GABRA3: variants seen among roughly 807,000 people sequenced by gnomAD.
GABRA3 encodes gamma-aminobutyric acid type A receptor subunit alpha3.
A neutral mutation model predicts 30.1 loss-of-function variants in GABRA3; 10 were observed. That is an observed-to-expected ratio of 0.33 (90% CI 0.20 to 0.56). The LOEUF (loss-of-function observed/expected upper bound fraction) is 0.56, where lower values mean the gene tolerates loss of function less well. Among genes scored for constraint, GABRA3 ranks in the 20% least tolerant of loss-of-function variants. The pLI, the probability that GABRA3 is intolerant of heterozygous loss-of-function variation, is 0.89. For synonymous variants in GABRA3, 151 were observed against 146.8 expected, an observed-to-expected ratio of 1.03 and a Z score of -0.21; for missense variants, 233 against 392.0, an observed-to-expected ratio of 0.59 and a Z score of 3.42.
intron 4 of GABRA3, among the ~76,000 whole-genome samples, chrX:152,275,228 T>TTTATATATATTATATATATAAA (rs1939036841): frequency 1.6e-5 from 1 of 64,327 alleles, no homozygotes; most frequent in Non-Finnish European, 2.6e-5. Context: ...ATATATATAA[T>TTTATATATATTATATATATAAA]TTATATATAT....
At chrX:152,383,973 CAAAA>C (rs34355005) in intron 1 of GABRA3, among the ~76,000 whole-genome samples, 1 of 73,232 alleles carries the variant, frequency 1.4e-5, no homozygotes, top group Non-Finnish European at 2.5e-5. Flanking sequence ...GACTCCACCA[CAAAA>C]AAAAAAAAAA....
intron 9 of GABRA3, among the ~76,000 whole-genome samples, chrX:152,182,960 C>T (rs533871758): frequency 1.3e-3 from 139 of 103,180 alleles, no homozygotes; most frequent in South Asian, 4.3e-3. Flanking sequence ...CTTTGGTTTG[C>T]TAGAATTTTG....
chrX:152,305,311 G>T (rs1342691021), intron 3 of GABRA3, among the ~76,000 whole-genome samples: 1 of 109,894 alleles, frequency 9.1e-6, no homozygotes, highest in African/African-American at 3.3e-5. Context: ...CTACCTATTG[G>T]GTACTATGCT....
At chrX:152,385,796 C>G (rs1242077498) in intron 1 of GABRA3, among the ~76,000 whole-genome samples, 1 of 111,665 alleles carries the variant, frequency 9.0e-6, no homozygotes, top group African/African-American at 3.3e-5. Flanking sequence ...GATCCAGTTT[C>G]AGCTTTCTAC....
intron 5 of GABRA3, among the ~76,000 whole-genome samples, chrX:152,250,330 T>C (rs1938531071): frequency 9.0e-6 from 1 of 111,532 alleles, no homozygotes; most frequent in African/African-American, 3.3e-5. Context: ...GCTCAGCAGA[T>C]ATTCCAGAAC....
chrX:152,416,994 G>A (rs1216468650), intron 1 of GABRA3, among the ~76,000 whole-genome samples: 1 of 104,065 alleles, frequency 9.6e-6, no homozygotes, highest in Non-Finnish European at 2.0e-5. Flanking sequence ...AACACCAAAA[G>A]CAATGGCAAC....
At chrX:152,211,980 A>G (rs764969347) in intron 6 of GABRA3, among the ~76,000 whole-genome samples, 1 of 110,404 alleles carries the variant, frequency 9.1e-6, no homozygotes, top group East Asian at 2.9e-4. Context: ...AGCTTAATAA[A>G]TAGCATAAAA....
intron 5 of GABRA3, among the ~76,000 whole-genome samples, chrX:152,245,067 T>A (rs1461683353): frequency 9.0e-6 from 1 of 111,177 alleles, no homozygotes; most frequent in African/African-American, 3.3e-5. Context: ...GTACTGGTTG[T>A]TCAGTGAGGC....
chrX:152,416,463 AT>A (rs1279500907), intron 1 of GABRA3, among the ~76,000 whole-genome samples: 2 of 109,269 alleles, frequency 1.8e-5, no homozygotes, highest in South Asian at 4.1e-4. Flanking sequence ...TAATTTACAG[AT>A]TCAATGCCAT....
chrX:152,336,858 T>C (rs1459195584), intron 3 of GABRA3, among the ~76,000 whole-genome samples: 2 of 111,296 alleles, frequency 1.8e-5, no homozygotes, highest in African/African-American at 6.5e-5. Context: ...AATTCTATTT[T>C]AAACAGCTTC....
intron 9 of GABRA3, among the ~76,000 whole-genome samples, chrX:152,169,245 G>A (rs1936973920): frequency 8.9e-6 from 1 of 112,528 alleles, no homozygotes; most frequent in African/African-American, 3.2e-5. Context: ...ACCATGGCAT[G>A]TTGACATGCA....
At chrX:152,268,490 A>C (rs1938869405) in intron 4 of GABRA3, among the ~76,000 whole-genome samples, 1 of 112,268 alleles carries the variant, frequency 8.9e-6, no homozygotes, top group African/African-American at 3.2e-5. Context: ...AGCCATGTGT[A>C]ACTGTGAGTC....
chrX:152,270,059 C>A (rs1332401970), intron 4 of GABRA3, among the ~76,000 whole-genome samples: 1 of 111,736 alleles, frequency 8.9e-6, no homozygotes, highest in Non-Finnish European at 1.9e-5. Flanking sequence ...AAGAGACAAC[C>A]CACAGAACAG....
chrX:152,443,485 T>A (rs1930986119), intron 1 of GABRA3, among the ~76,000 whole-genome samples: 1 of 111,756 alleles, frequency 8.9e-6, no homozygotes, highest in African/African-American at 3.2e-5. Flanking sequence ...ATCTTAATAA[T>A]TCATTCAACA....
At position 152,401,291 on chromosome X, in the gene GABRA3, C is replaced by T. The variant is rs1051965630; in HGVS notation, c.-26-36695G>A. On this transcript the variant is annotated intron_variant, in intron 1 of 9. Transcript: ENST00000370314. ...GTATATATATATATATATATATACA[C>T]ACACACACACACAAACACATATACT... Among the ~76,000 whole-genome samples, 12 of 100,258 alleles carry T rather than the reference C, an allele frequency of 1.2e-4. No homozygotes were observed. The East Asian group carries it at 1.5e-3, about 12-fold the overall frequency. 87.1% of individuals were successfully genotyped at this position (100,258 alleles called of 115,157 possible).
intron 3 of GABRA3, among the ~76,000 whole-genome samples, chrX:152,321,744 C>T (rs1939967227): frequency 9.0e-6 from 1 of 111,306 alleles, no homozygotes; most frequent in South Asian, 3.8e-4. Context: ...TCTCCGTTTT[C>T]CTAGTTAGGT....
At chrX:152,315,657 G>A (rs1165516403) in intron 3 of GABRA3, among the ~76,000 whole-genome samples, 1 of 111,122 alleles carries the variant, frequency 9.0e-6, no homozygotes, top group Non-Finnish European at 1.9e-5. Flanking sequence ...GCCATTTGTG[G>A]GAGCACGGTA....
intron 1 of GABRA3, among the ~76,000 whole-genome samples, chrX:152,369,751 T>C (rs1928781073): frequency 9.0e-6 from 1 of 111,646 alleles, no homozygotes; most frequent in South Asian, 3.8e-4. Context: ...GAAGAAAAAT[T>C]GCTTGTTTCT....
chrX:152,384,712 T>C (rs1468634142), intron 1 of GABRA3, among the ~76,000 whole-genome samples: 1 of 112,113 alleles, frequency 8.9e-6, no homozygotes, highest in Non-Finnish European at 1.9e-5. Flanking sequence ...TACTTAAACT[T>C]ACACAAAGTG....
Sources: gnomAD v4.1 joint callset for allele counts (sites outside exome capture counted in the v4.1 genomes callset) on GRCh38, gnomAD v4.1.1 for gene constraint, MANE v1.5 for transcripts, NCBI Gene and HGNC (gene_info 2026-07-23, HGNC 2026-07-21) for gene names.